Variants in ATRX observed in about 807,000 individuals in gnomAD.
ATRX encodes the protein ATRX chromatin remodeler, also known as chromatin remodeler ATRX.
In ATRX, 12 loss-of-function variants were observed where a neutral mutation model predicts 172.6. The ratio of observed to expected loss-of-function variants is 0.07; its 90% CI spans 0.04 to 0.11. The LOEUF (loss-of-function observed/expected upper bound fraction) is 0.11, where lower values mean the gene tolerates loss of function less well. Among genes scored for constraint, ATRX ranks in the 10% least tolerant of loss-of-function variants. The pLI is 1.00. For missense variants in ATRX, 1,368 were observed against 1,767.4 expected (o/e 0.77, Z 4.05); for synonymous variants, 674 against 594.7 (o/e 1.13, Z -1.94).
intron 2 of ATRX, among the ~76,000 whole-genome samples, chrX:77,706,992 G>GA (rs2072862696): frequency 8.9e-6 from 1 of 112,207 alleles, no homozygotes; most frequent in Non-Finnish European, 1.9e-5. Context: ...AATATGAATA[G>GA]ATAAACAAAA....
At chrX:77,624,993 T>C (rs1257603827) in intron 19 of ATRX, among the ~76,000 whole-genome samples, 1 of 111,932 alleles carries the variant, frequency 8.9e-6, no homozygotes, top group Non-Finnish European at 1.9e-5. Context: ...TTTCAAACTA[T>C]TCTGTAAAGG....
chrX:77,734,426 T>A (rs1321985977), intron 1 of ATRX, among the ~76,000 whole-genome samples: 1 of 107,237 alleles, frequency 9.3e-6, no homozygotes, highest in Non-Finnish European at 1.9e-5. Context: ...TCAAAAAAAA[T>A]AAAATAAATA....
rs2148591539 is a variant in ATRX at position 77,682,580 on chromosome X, T to A, written c.2676A>T (p.Glu892Asp). 8.3e-7 allele frequency: 1 copy of A among 1,211,016 alleles called. No homozygotes were observed. The highest frequency in any genetic ancestry group is 1.8e-5 in the South Asian group (1 of 56,960). ...KQERETFSSA[E>D]GTVDKDTTIM... is the part of the protein sequence containing the mutation. Reference sequence around the variant, plus strand: ...TGGTCGTGTCTTTATCAACTGTGCCTTCTGCTGAAGAGAAAGTCTCTCTCT... The same window carrying A: ...TGGTCGTGTCTTTATCAACTGTGCCATCTGCTGAAGAGAAAGTCTCTCTCT... The change falls in exon 9 of 35, where the codon GAA becomes GAT. Residue 892 changes from glutamate to aspartate, a missense_variant. By Grantham distance (45) the Glu-to-Asp change is conservative. This residue lies in a region of ATRX where 843 missense variants were observed against 643.1 expected (regional missense o/e 1.31). Coordinates refer to ENST00000373344, the MANE Select transcript of ATRX (RefSeq NM_000489.6).
At chrX:77,586,348 C>T (rs2066020908) in intron 27 of ATRX, among the ~76,000 whole-genome samples, 1 of 111,551 alleles carries the variant, frequency 9.0e-6, no homozygotes, top group South Asian at 3.8e-4. Flanking sequence ...TGAGGAGTGT[C>T]ACTGGACATG....
chrX:77,689,463 A>C (rs1272807443), intron 6 of ATRX, among the ~76,000 whole-genome samples: 4 of 111,931 alleles, frequency 3.6e-5, no homozygotes, highest in Admixed American at 2.8e-4. Context: ...CTATACATAA[A>C]TTGTCATTAA....
intron 1 of ATRX, among the ~76,000 whole-genome samples, chrX:77,730,560 T>C (rs993051392): frequency 8.9e-6 from 1 of 112,190 alleles, no homozygotes; most frequent in Non-Finnish European, 1.9e-5. Context: ...GCCCATGGAT[T>C]ATTCTCAAGG....
Position 77,704,159 on chromosome X carries a change from G to A in ATRX, c.134-5530C>T, listed in dbSNP as rs146381780. On this transcript the variant is annotated intron_variant, in intron 2 of 34. Coordinates refer to ENST00000373344, the MANE Select transcript of ATRX (RefSeq NM_000489.6). ...CAGTAGAGAGGAGGCCCTAGTATGAGTAGTACCTCTCTGCAGGAAAGTCGA... is the reference window on the plus strand; with the variant it reads ...CAGTAGAGAGGAGGCCCTAGTATGAATAGTACCTCTCTGCAGGAAAGTCGA... Among the ~76,000 whole-genome samples the A allele has an allele frequency of 3.5e-3, 387 of 110,877 alleles. 3 individuals are homozygous for A. Among genetic ancestry groups the A allele is most frequent in the African/African-American group, 0.012 (368 of 30,486 alleles).
chrX:77,583,724 A>G (rs782241336), intron 27 of ATRX, among the ~76,000 whole-genome samples: 1 of 112,022 alleles, frequency 8.9e-6, no homozygotes, highest in African/African-American at 3.2e-5. Flanking sequence ...GCTTTCCTCT[A>G]AGATCAAGAA....
intron 12 of ATRX, among the ~76,000 whole-genome samples, chrX:77,659,849 A>C (rs1268510325): frequency 9.0e-6 from 1 of 111,563 alleles, no homozygotes; most frequent in East Asian, 2.8e-4. Flanking sequence ...CTCAATTCAA[A>C]TTTCCAAATA....
At chrX:77,551,343 C>T (rs1406704045) in intron 30 of ATRX, among the ~76,000 whole-genome samples, 2 of 111,650 alleles carry the variant, frequency 1.8e-5, no homozygotes, top group African/African-American at 6.5e-5. Flanking sequence ...TTTGACAAAC[C>T]TGACAAAAAC....
intron 28 of ATRX, chrX:77,561,747 A>G (rs782701475): frequency 1.8e-5 from 2 of 111,439 alleles, no homozygotes; most frequent in Non-Finnish European, 3.8e-5. Context: ...AAGGTTCACA[A>G]AAATTACAGC....
At position 77,704,781 on chromosome X, in the gene ATRX, G is replaced by A. The variant is rs781990612; in HGVS notation, c.134-6152C>T. ...CAACTTTGCCACAAGATCAGAGCAG[G>A]TGCCAATAGCAGGGTGAAGCCAGGC... On this transcript the variant is annotated intron_variant, in intron 2 of 34. Transcript: ENST00000373344. 3.6e-5 allele frequency among the ~76,000 whole-genome samples: 4 copies of A among 112,317 alleles called. No individual in the cohort carries two copies. In the Admixed American group the frequency reaches 3.7e-4, roughly 10 times the overall value.
intron 10 of ATRX, among the ~76,000 whole-genome samples, chrX:77,666,333 A>G (rs1444747068): frequency 3.6e-5 from 4 of 112,256 alleles, no homozygotes; most frequent in Admixed American, 1.9e-4. Flanking sequence ...TTCTAGATCA[A>G]TGGTTTGCAC....
At chrX:77,776,074 C>T (rs148581366) in intron 1 of ATRX, among the ~76,000 whole-genome samples, 368 of 112,218 alleles carry the variant, frequency 3.3e-3, no homozygotes, top group African/African-American at 0.011. Flanking sequence ...ATCAAGGAGA[C>T]ACTGCTGAGA....
intron 1 of ATRX, among the ~76,000 whole-genome samples, chrX:77,732,115 CCATCAACCTGGGTGCTGTG>C (rs1557176430): frequency 1.8e-5 from 2 of 111,828 alleles, no homozygotes; most frequent in African/African-American, 6.5e-5. Flanking sequence ...ACCCCCCTCC[CCATCAACCTGGGTGCTGTG>C]CACAGGCCTG....
chrX:77,751,404 T>C (rs2075293859), intron 1 of ATRX, among the ~76,000 whole-genome samples: 3 of 112,572 alleles, frequency 2.7e-5, no homozygotes, highest in Non-Finnish European at 5.6e-5. Context: ...AAGTTCCTTG[T>C]AGATTCTGGA....
intron 1 of ATRX, among the ~76,000 whole-genome samples, chrX:77,726,479 G>T (rs1175804853): frequency 1.1e-5 from 1 of 89,180 alleles, no homozygotes; most frequent in Non-Finnish European, 2.2e-5. Flanking sequence ...GTCATGGGGT[G>T]GGGGGAGGGG....
At chrX:77,600,692 T>C (rs1448876947) in intron 22 of ATRX, 128 bp from the exon 23 acceptor site, 59 of 691,870 alleles carry the variant, frequency 8.5e-5, no homozygotes, top group Non-Finnish European at 1.3e-4. Flanking sequence ...TAAATTCTCT[T>C]GGAATATCGT....
At chrX:77,733,758 C>T (rs2074407655) in intron 1 of ATRX, among the ~76,000 whole-genome samples, 1 of 105,152 alleles carries the variant, frequency 9.5e-6, no homozygotes, top group Admixed American at 1.0e-4. Flanking sequence ...GTGGCAGGCA[C>T]CTGTAATCCC....
Sources: allele counts gnomAD v4.1 joint callset (sites outside exome capture counted in the v4.1 genomes callset), GRCh38; gene constraint gnomAD v4.1.1; regional missense constraint gnomAD v4.1.1; transcripts MANE v1.5; gene names NCBI Gene and HGNC (gene_info 2026-07-23, HGNC 2026-07-21).